GALNT14: variants seen among roughly 807,000 people sequenced by gnomAD.
GALNT14 encodes polypeptide N-acetylgalactosaminyltransferase 14, also known as UDP-GalNAc:polypeptide N-acetylgalactosaminyltransferase 14.
Under a neutral mutation model 77.5 loss-of-function variants are expected in GALNT14, and 60 were observed. The observed-to-expected ratio is 0.77, with a 90% confidence interval of 0.63 to 0.96. The LOEUF (loss-of-function observed/expected upper bound fraction) is 0.96, where lower values mean the gene tolerates loss of function less well. Ranked by LOEUF, GALNT14 falls within the 40% of genes least tolerant of loss-of-function variation. The pLI, the probability that GALNT14 is intolerant of heterozygous loss-of-function variation, is 0.00. For synonymous variants in GALNT14, 280 were observed against 281.7 expected (o/e 0.99, Z 0.06); for missense variants, 710 against 731.0 (o/e 0.97, Z 0.33).
At chr2:31,029,698 A>T (rs952731223) in intron 1 of GALNT14, among the ~76,000 whole-genome samples, 2 of 152,146 alleles carry the variant, frequency 1.3e-5, no homozygotes, top group East Asian at 3.9e-4. Flanking sequence ...AACACTCTAC[A>T]TCCCAGAGGA....
chr2:31,095,707 T>C (rs917645337), intron 1 of GALNT14, among the ~76,000 whole-genome samples: 1 of 152,130 alleles, frequency 6.6e-6, no homozygotes, highest in Admixed American at 6.6e-5. Context: ...ATTGAATATA[T>C]TATATTCAAC....
intron 1 of GALNT14, among the ~76,000 whole-genome samples, chr2:31,068,922 T>A (rs1462307491): frequency 1.3e-5 from 2 of 152,228 alleles, no homozygotes; most frequent in East Asian, 3.9e-4. Flanking sequence ...TGTATGATTC[T>A]ATTTATATGA....
intron 6 of GALNT14, among the ~76,000 whole-genome samples, chr2:30,954,547 C>T (rs1406554487): frequency 1.3e-5 from 2 of 152,180 alleles, no homozygotes; most frequent in African/African-American, 2.4e-5. Flanking sequence ...ACTGATGGGC[C>T]TTAACCTCTA....
At chr2:31,035,573 G>GTGTA (rs1403062806) in intron 1 of GALNT14, among the ~76,000 whole-genome samples, 1 of 142,262 alleles carries the variant, frequency 7.0e-6, no homozygotes, top group Non-Finnish European at 1.5e-5. Context: ...GTGTGTATGT[G>GTGTA]TGTGTGTGTG....
intron 1 of GALNT14, among the ~76,000 whole-genome samples, chr2:31,128,348 C>A (rs1573388391): frequency 6.6e-6 from 1 of 152,240 alleles, no homozygotes; most frequent in African/African-American, 2.4e-5. Flanking sequence ...ATTAGAGATG[C>A]AGGCAGGGCA....
chr2:30,953,343 C>G (rs1296021099), intron 6 of GALNT14, among the ~76,000 whole-genome samples: 1 of 131,666 alleles, frequency 7.6e-6, no homozygotes, highest in African/African-American at 2.9e-5. Context: ...GAGTCTTGCT[C>G]TGTCGCCCAG....
At chr2:30,924,918 G>A (rs890904777) in intron 11 of GALNT14, 95 bp from the exon 12 acceptor site, 8 of 913,518 alleles carry the variant, frequency 8.8e-6, no homozygotes, top group Admixed American at 8.1e-5. Context: ...AACACAAAGC[G>A]CGACCCATGC....
In GALNT14 at chr2:31,096,426, C is replaced by A. The variant is rs186812921; in HGVS notation, c.129+41532G>T. The stretch of plus-strand genomic sequence containing the variant: ...GCCCTGGCTAAGTCTCTTGTCACTT[C>A]AGTTTCCTCCTATGAAGTTGAGGGC... On this transcript the variant is annotated intron_variant, in intron 1 of 14. Coordinates refer to ENST00000349752, the MANE Select transcript of GALNT14 (RefSeq NM_024572.4). 2.0e-3 allele frequency among the ~76,000 whole-genome samples: 305 copies of A among 152,270 alleles called. 4 individuals carry two copies. The highest frequency in any genetic ancestry group is 7.0e-3 in the African/African-American group (289 of 41,554).
chr2:31,101,668 T>C (rs550184832), intron 1 of GALNT14, among the ~76,000 whole-genome samples: 2 of 152,240 alleles, frequency 1.3e-5, no homozygotes, highest in South Asian at 2.1e-4. Context: ...CCTTATTGTA[T>C]GCATCTGCAC....
At chr2:30,902,250 C>G in the GALNT14 span, among the ~76,000 whole-genome samples, 1 of 152,072 alleles carries the variant, frequency 6.6e-6, no homozygotes, top group Non-Finnish European at 1.5e-5. Context: ...CTTTTAAATC[C>G]CCAACTCCTC....
chr2:30,987,974 TA>T (rs34457494), intron 2 of GALNT14, among the ~76,000 whole-genome samples: 1 of 152,190 alleles, frequency 6.6e-6, no homozygotes, highest in South Asian at 2.1e-4. Flanking sequence ...CTTTTTTCAG[TA>T]ACGAGAACTC....
intron 1 of GALNT14, among the ~76,000 whole-genome samples, chr2:31,036,806 A>G (rs941758257): frequency 6.6e-6 from 1 of 152,182 alleles, no homozygotes; most frequent in Non-Finnish European, 1.5e-5. Context: ...TTCTTTCAGC[A>G]TTTTTAATGT....
chr2:30,970,442 G>T (rs568932218), intron 2 of GALNT14, among the ~76,000 whole-genome samples: 2 of 152,176 alleles, frequency 1.3e-5, no homozygotes, highest in Non-Finnish European at 2.9e-5. Context: ...ACGTAAGCAC[G>T]TGGTGTTTAA....
chr2:31,071,904 C>G (rs940169177), intron 1 of GALNT14, among the ~76,000 whole-genome samples: 1 of 152,182 alleles, frequency 6.6e-6, no homozygotes, highest in Non-Finnish European at 1.5e-5. Flanking sequence ...AGCAGGCCCC[C>G]ATGCAACTGC....
intron 1 of GALNT14, among the ~76,000 whole-genome samples, chr2:31,053,393 G>GA (rs1351376315): frequency 1.3e-5 from 2 of 152,112 alleles, no homozygotes; most frequent in African/African-American, 4.8e-5. Flanking sequence ...GCAGCTGGGT[G>GA]AACACCTCAC....
At chr2:30,897,914 C>T in the GALNT14 span, among the ~76,000 whole-genome samples, 2 of 152,202 alleles carry the variant, frequency 1.3e-5, no homozygotes, top group Admixed American at 6.5e-5. Flanking sequence ...TTCTCCAGGA[C>T]TCCATGCCCC....
intron 1 of GALNT14, among the ~76,000 whole-genome samples, chr2:31,000,068 T>C (rs941729876): frequency 2.0e-5 from 3 of 152,212 alleles, no homozygotes; most frequent in African/African-American, 7.2e-5. Flanking sequence ...TGGAACAGGT[T>C]GTCCTGTTCT....
intron 1 of GALNT14, among the ~76,000 whole-genome samples, chr2:31,002,939 A>C (rs1670454542): frequency 6.6e-6 from 1 of 152,230 alleles, no homozygotes; most frequent in African/African-American, 2.4e-5. Flanking sequence ...CTTCATTTTA[A>C]TATTTCCTCC....
intron 1 of GALNT14, among the ~76,000 whole-genome samples, chr2:31,096,247 T>C (rs970511829): frequency 2.6e-5 from 4 of 152,200 alleles, no homozygotes; most frequent in African/African-American, 9.6e-5. Flanking sequence ...TAATTTCACC[T>C]GCAACCTTAA....
Sources: gnomAD v4.1 joint callset for allele counts (sites outside exome capture counted in the v4.1 genomes callset) on GRCh38, gnomAD v4.1.1 for gene constraint, MANE v1.5 for transcripts, NCBI Gene and HGNC (gene_info 2026-07-23, HGNC 2026-07-21) for gene names.